Variants in CAMTA1 observed in about 807,000 individuals in gnomAD.
The protein encoded by CAMTA1 is calmodulin binding transcription activator 1, also known as calmodulin-binding transcription activator 1.
A neutral mutation model predicts 170.9 loss-of-function variants in CAMTA1; 27 were observed. The observed-to-expected ratio is 0.16, with a 90% CI of 0.12 to 0.22. The LOEUF (loss-of-function observed/expected upper bound fraction) is 0.22. CAMTA1 is among the 10% of genes least tolerant of loss of function. The pLI, the probability that CAMTA1 is intolerant of heterozygous loss-of-function variation, is 1.00. For synonymous variants in CAMTA1, 833 were observed against 891.5 expected, an observed-to-expected ratio of 0.93 and a Z score of 1.17; for missense variants, 1,619 against 2,217.2, an observed-to-expected ratio of 0.73 and a Z score of 5.42.
intron 4 of CAMTA1, among the ~76,000 whole-genome samples, chr1:7,115,733 C>T (rs1271801407): frequency 6.6e-6 from 1 of 152,078 alleles, no homozygotes; most frequent in Non-Finnish European, 1.5e-5. Flanking sequence ...AGTCTGAAAA[C>T]CAGCAGGCTT....
At chr1:6,895,458 C>G (rs1464801428) in intron 3 of CAMTA1, among the ~76,000 whole-genome samples, 1 of 152,202 alleles carries the variant, frequency 6.6e-6, no homozygotes, top group African/African-American at 2.4e-5. Flanking sequence ...CCAGTTTGCT[C>G]CCCTTGGAAT....
chr1:7,283,031 A>G lies in CAMTA1; in HGVS notation c.438+33405A>G, dbSNP rs905530566. 5.3e-5 allele frequency among the ~76,000 whole-genome samples: 8 copies of G among 152,294 alleles called. No individual in the cohort carries two copies. In the East Asian group the frequency reaches 1.3e-3, roughly 26 times the overall value. On this transcript the variant is annotated intron_variant, in intron 5 of 22. Coordinates refer to ENST00000303635, the MANE Select transcript of CAMTA1 (RefSeq NM_015215.4). ...GAATTTGGAACAACCTAACTCTTCA[A>G]TGATAAGGAACAAGTTAAATAAATC...
intron 4 of CAMTA1, among the ~76,000 whole-genome samples, chr1:7,137,921 T>G (rs1573371267): frequency 6.6e-6 from 1 of 152,212 alleles, no homozygotes; most frequent in East Asian, 1.9e-4. Context: ...GCTGGTTCAC[T>G]GCCATGCTCC....
chr1:7,164,062 A>G (rs1289607383), intron 4 of CAMTA1, among the ~76,000 whole-genome samples: 1 of 152,196 alleles, frequency 6.6e-6, no homozygotes, highest in African/African-American at 2.4e-5. Context: ...TGCCATCACA[A>G]TGCCAGGATA....
At chr1:7,677,321 C>G (rs979049035) in intron 10 of CAMTA1, among the ~76,000 whole-genome samples, 1 of 152,218 alleles carries the variant, frequency 6.6e-6, no homozygotes, top group African/African-American at 2.4e-5. Flanking sequence ...CTGTACTGAG[C>G]ACCCAGCTCC....
intron 3 of CAMTA1, among the ~76,000 whole-genome samples, chr1:7,082,440 A>AATAGATAGATAGATAGATAGATAG (rs150422699): frequency 1.4e-5 from 2 of 142,208 alleles, no homozygotes; most frequent in East Asian, 2.1e-4. Context: ...TGCATCTCGA[A>AATAGATAGATAGATAGATAGATAG]ATAGATAGAT....
chr1:7,556,331 G>A (rs1025942481), intron 6 of CAMTA1, among the ~76,000 whole-genome samples: 1 of 152,114 alleles, frequency 6.6e-6, no homozygotes, highest in African/African-American at 2.4e-5. Context: ...GCTATCTCTA[G>A]GAATTGACCA....
rs1666643933 is a variant in CAMTA1, at chr1:7,251,535, G to A, written c.438+1909G>A. Among the ~76,000 whole-genome samples the A allele has an allele frequency of 1.3e-5, 2 of 152,128 alleles. No individual in the cohort carries two copies. The highest frequency in any genetic ancestry group is 4.8e-5 in the African/African-American group (2 of 41,404). ...TCAGAGAGAGGCCACCTACTATGATGCATTATGTGGTGGCCTTGCCCGTGA... is the reference window on the plus strand; with the variant it reads ...TCAGAGAGAGGCCACCTACTATGATACATTATGTGGTGGCCTTGCCCGTGA... On this transcript the variant is annotated intron_variant, in intron 5 of 22. Transcript: ENST00000303635. This position sits in a 1 kb window ranked among gnomAD's most constrained non-coding sequence, Gnocchi z 5.1.
At chr1:7,760,290 T>C (rs115593978) in intron 22 of CAMTA1, among the ~76,000 whole-genome samples, 27 of 152,370 alleles carry the variant, frequency 1.8e-4, no homozygotes, top group Non-Finnish European at 3.5e-4. Context: ...TGTGTGCTTC[T>C]GAGAACAGCC....
At chr1:7,055,195 A>G (rs1353754503) in intron 3 of CAMTA1, among the ~76,000 whole-genome samples, 1 of 152,190 alleles carries the variant, frequency 6.6e-6, no homozygotes, top group Non-Finnish European at 1.5e-5. Flanking sequence ...GATCCAAACC[A>G]TATCAGATAG....
intron 11 of CAMTA1, among the ~76,000 whole-genome samples, chr1:7,679,440 G>C (rs1348087673): frequency 6.6e-6 from 1 of 152,172 alleles, no homozygotes; most frequent in African/African-American, 2.4e-5. Context: ...GCTACGGCAC[G>C]GGAGGATGCT....
intron 5 of CAMTA1, among the ~76,000 whole-genome samples, chr1:7,356,261 G>A (rs2085102863): frequency 1.3e-5 from 2 of 152,232 alleles, no homozygotes; most frequent in African/African-American, 4.8e-5. Flanking sequence ...GCCCTCTGCA[G>A]GCAGTTCCTG....
chr1:7,414,674 G>A (rs541952324), intron 5 of CAMTA1, among the ~76,000 whole-genome samples: 152 of 151,446 alleles, frequency 1.0e-3, no homozygotes, highest in African/African-American at 3.3e-3. Flanking sequence ...TCTTGCTAGC[G>A]GTCTATCAAT....
chr1:7,379,865 G>C (rs1451860269), intron 5 of CAMTA1, among the ~76,000 whole-genome samples: 1 of 152,196 alleles, frequency 6.6e-6, no homozygotes, highest in South Asian at 2.1e-4. Context: ...TCAGCGAACC[G>C]ACAAAGCCTG....
At chr1:7,038,987 C>G (rs556628029) in intron 3 of CAMTA1, among the ~76,000 whole-genome samples, 1 of 152,082 alleles carries the variant, frequency 6.6e-6, no homozygotes, top group African/African-American at 2.4e-5. Flanking sequence ...TTGCAGTGAG[C>G]CGAGATCCTG....
chr1:7,663,842 T>C lies in CAMTA1; in HGVS notation c.1295T>C (p.Val432Ala). 3 of 1,614,096 alleles carry C rather than the reference T, an allele frequency of 1.9e-6. No individual in the cohort carries two copies. The highest frequency in any genetic ancestry group is 2.5e-6 in the Non-Finnish European group (3 of 1,180,040). ...TCACCTGACGCCTCTCAGGGCCTCG[T>C]CCTGGCCGTGAGCTCTGATGGCCAC... The part of the protein sequence containing the change: ...LLSPDASQGL[V>A]LAVSSDGHKF... The change falls in exon 9 of 23, where the codon GTC becomes GCC. Residue 432 changes from valine to alanine, a missense_variant. Around this residue, in one of 8 missense-constraint regions of CAMTA1, gnomAD observed 731 missense variants for 907.6 expected, o/e 0.81. Transcript: ENST00000303635.
intron 4 of CAMTA1, among the ~76,000 whole-genome samples, chr1:7,150,140 T>C (rs1210280495): frequency 6.6e-6 from 1 of 152,144 alleles, no homozygotes; most frequent in Admixed American, 6.5e-5. Context: ...CTGCCCACTG[T>C]CCGTAAGGAG....
At chr1:7,640,683 G>T in intron 7 of CAMTA1, 130 bp downstream of exon 7, 2 of 1,055,146 alleles carry the variant, frequency 1.9e-6, no homozygotes, top group East Asian at 2.5e-5. Flanking sequence ...GAATGACAGT[G>T]GCACCGTGAG....
chr1:6,803,247 G>A (rs1465721190), intron 1 of CAMTA1, among the ~76,000 whole-genome samples: 1 of 152,204 alleles, frequency 6.6e-6, no homozygotes, highest in Non-Finnish European at 1.5e-5. Flanking sequence ...AACATAAAAG[G>A]ATGGAGATGT....
Sources: allele counts gnomAD v4.1 joint callset (sites outside exome capture counted in the v4.1 genomes callset), GRCh38; gene constraint gnomAD v4.1.1; regional missense constraint gnomAD v4.1.1; non-coding constraint Gnocchi (gnomAD v3.1); transcripts MANE v1.5; gene names NCBI Gene and HGNC (gene_info 2026-07-23, HGNC 2026-07-21).